PRKD1: variants seen among roughly 807,000 people sequenced by gnomAD.
PRKD1 encodes the protein serine/threonine-protein kinase D1.
PRKD1 carries 63 observed loss-of-function variants against 95.9 expected under a neutral mutation model. The observed-to-expected ratio is 0.66, with a 90% CI of 0.54 to 0.81. The LOEUF is 0.81. Among genes scored for constraint, PRKD1 ranks in the 30% least tolerant of loss-of-function variants. PRKD1 has a pLI of 0.00. For missense variants in PRKD1, 1,048 were observed against 1,165.3 expected (o/e 0.90, Z 1.47); for synonymous variants, 425 against 423.1 (o/e 1.00, Z -0.05).
At chr14:29,638,217 A>T in intron 6 of PRKD1, 1 of 452,434 alleles carries the variant, frequency 2.2e-6, no homozygotes, top group Non-Finnish European at 3.9e-6. Flanking sequence ...ATAAGAATAT[A>T]AGATAATAAA....
intron 2 of PRKD1, among the ~76,000 whole-genome samples, chr14:29,723,282 C>A (rs1885985400): frequency 6.6e-6 from 1 of 151,948 alleles, no homozygotes. Flanking sequence ...AATTAAATGG[C>A]AATGGGAAAT....
chr14:29,709,217 A>T (rs1885226409), intron 2 of PRKD1, among the ~76,000 whole-genome samples: 2 of 152,210 alleles, frequency 1.3e-5, no homozygotes, highest in African/African-American at 4.8e-5. Context: ...GAATTTTAAA[A>T]GACATACAAT....
intron 1 of PRKD1, among the ~76,000 whole-genome samples, chr14:29,849,850 A>G (rs1892234806): frequency 6.6e-6 from 1 of 152,226 alleles, no homozygotes; most frequent in African/African-American, 2.4e-5. Flanking sequence ...ATCTTCATTT[A>G]CCAGGATCTA....
At position 29,665,909 on chromosome 14, in the gene PRKD1, A is replaced by G. The variant is rs374886766; in HGVS notation, c.535+168T>C. Reference sequence around the variant, plus strand: ...GTGGATGAAGAAAATGTATATATACACACATATATATGTGCGTATATATAT... The same window carrying G: ...GTGGATGAAGAAAATGTATATATACGCACATATATATGTGCGTATATATAT... On this transcript the variant is annotated intron_variant, in intron 3 of 17. Transcript: ENST00000331968. Among the ~76,000 whole-genome samples, 42 of 152,222 alleles carry G rather than the reference A, an allele frequency of 2.8e-4. No homozygotes were observed. In the South Asian group the frequency reaches 3.1e-3, roughly 11 times the overall value.
In PRKD1 at chr14:29,895,232, G is replaced by A. The variant is rs566065816; in HGVS notation, c.264+32017C>T. ...CTCAAGAAGCTGAGGCAGGAGACTC[G>A]CTTGAACCCGGGAGGCAGAGGTTGC... On this transcript the variant is annotated intron_variant, in intron 1 of 17. Coordinates refer to ENST00000331968, the MANE Select transcript of PRKD1 (RefSeq NM_002742.3). Among the ~76,000 whole-genome samples, 69 of 152,168 alleles carry A rather than the reference G, an allele frequency of 4.5e-4. No homozygotes were observed. The South Asian group carries it at 8.5e-3, about 19-fold the overall frequency.
At chr14:29,751,766 G>A (rs984035611) in intron 1 of PRKD1, among the ~76,000 whole-genome samples, 7 of 152,064 alleles carry the variant, frequency 4.6e-5, no homozygotes, top group African/African-American at 9.7e-5. Flanking sequence ...CTCTGACTTC[G>A]AGATTGGCCA....
intron 1 of PRKD1, among the ~76,000 whole-genome samples, chr14:29,826,110 G>C (rs987908354): frequency 1.3e-5 from 2 of 150,156 alleles, no homozygotes; most frequent in Admixed American, 1.3e-4. Context: ...TGCGTGGTAT[G>C]TGTGTGTGTG....
chr14:29,707,588 A>G (rs1374467746), intron 2 of PRKD1, among the ~76,000 whole-genome samples: 1 of 152,156 alleles, frequency 6.6e-6, no homozygotes, highest in Non-Finnish European at 1.5e-5. Context: ...TTTATGATAT[A>G]TATCTGTAAG....
At chr14:29,804,011 G>T (rs1167276467) in intron 1 of PRKD1, among the ~76,000 whole-genome samples, 2 of 152,144 alleles carry the variant, frequency 1.3e-5, no homozygotes, top group African/African-American at 2.4e-5. Context: ...GGAGGCCGAG[G>T]GGGGCGGATC....
intron 1 of PRKD1, among the ~76,000 whole-genome samples, chr14:29,829,470 C>T (rs917135633): frequency 6.6e-6 from 1 of 152,000 alleles, no homozygotes; most frequent in Non-Finnish European, 1.5e-5. Flanking sequence ...GCGTGCTTTT[C>T]GTTTTTACTC....
chr14:29,778,684 T>C (rs1888890397), intron 1 of PRKD1, among the ~76,000 whole-genome samples: 1 of 152,164 alleles, frequency 6.6e-6, no homozygotes, highest in Non-Finnish European at 1.5e-5. Flanking sequence ...ACCAGATGGA[T>C]TCACAGCCGA....
chr14:29,727,406 C>A (rs1274095803), intron 1 of PRKD1, among the ~76,000 whole-genome samples: 1 of 151,394 alleles, frequency 6.6e-6, no homozygotes, highest in South Asian at 2.1e-4. Context: ...TAATTAGATC[C>A]CATTTGTCAA....
At chr14:29,761,251 T>G (rs553239582) in intron 1 of PRKD1, among the ~76,000 whole-genome samples, 1 of 152,360 alleles carries the variant, frequency 6.6e-6, no homozygotes, top group South Asian at 2.1e-4. Flanking sequence ...CTTGAACTGA[T>G]CACAATGAAC....
At chr14:29,914,961 T>C (rs771210240) in intron 1 of PRKD1, among the ~76,000 whole-genome samples, 10 of 152,012 alleles carry the variant, frequency 6.6e-5, no homozygotes, top group Admixed American at 1.3e-4. Context: ...CCTGACCTTG[T>C]GATCTGCCCA....
chr14:29,682,120 T>G (rs1349850914), intron 2 of PRKD1, among the ~76,000 whole-genome samples: 2 of 152,214 alleles, frequency 1.3e-5, no homozygotes, highest in African/African-American at 4.8e-5. Context: ...AAAGTGTATG[T>G]GTCTGTATGT....
At chr14:29,888,212 G>A (rs1893803809) in intron 1 of PRKD1, among the ~76,000 whole-genome samples, 1 of 152,036 alleles carries the variant, frequency 6.6e-6, no homozygotes, top group South Asian at 2.1e-4. Context: ...GCTAAGGTGG[G>A]AGGATCACTT....
Position 29,626,497 on chromosome 14 carries a change from T to C in PRKD1, c.1785A>G (p.Gly595=). 6.2e-7 allele frequency: 1 copy of C among 1,611,842 alleles called. No individual in the cohort carries two copies. The highest frequency in any genetic ancestry group is 1.3e-5 in the African/African-American group (1 of 74,770). Reference sequence around the variant, plus strand: ...GAGATAACCTACCTCCATAAACAATTCCAAACTGTCCAGAACCCAGTACTT... The same window carrying C: ...GAGATAACCTACCTCCATAAACAATCCCAAACTGTCCAGAACCCAGTACTT... ...PDEVLGSGQF[G]IVYGGKHRKT... is the part of the protein sequence containing the mutation. The change falls in exon 12 of 18, where the codon GGA becomes GGG. Residue 595 remains glycine, a synonymous_variant. Transcript: ENST00000331968.
Position 29,650,046 on chromosome 14 carries a change from G to A in PRKD1, c.697-11142C>T, listed in dbSNP as rs182274592. Among the ~76,000 whole-genome samples, 14 of 152,148 alleles carry A rather than the reference G, an allele frequency of 9.2e-5. 1 individual carries two copies. The East Asian group carries it at 9.7e-4, about 11-fold the overall frequency. On this transcript the variant is annotated intron_variant, in intron 4 of 17. Transcript: ENST00000331968. Reference sequence around the variant, plus strand: ...AGCTCCCTTTCCTGGTTGGGGTAGCGAGCCACTCTCGCCACTTCCAGTTTC... The same window carrying A: ...AGCTCCCTTTCCTGGTTGGGGTAGCAAGCCACTCTCGCCACTTCCAGTTTC...
At chr14:29,790,254 C>A (rs1889478082) in intron 1 of PRKD1, among the ~76,000 whole-genome samples, 1 of 151,940 alleles carries the variant, frequency 6.6e-6, no homozygotes, top group Non-Finnish European at 1.5e-5. Context: ...TTGTGACCTG[C>A]CCGCCTCAGC....
Sources: allele counts gnomAD v4.1 joint callset (sites outside exome capture counted in the v4.1 genomes callset), GRCh38; gene constraint gnomAD v4.1.1; transcripts MANE v1.5; gene names NCBI Gene and HGNC (gene_info 2026-07-23, HGNC 2026-07-21).